Variants in TMEM176B observed in about 807,000 individuals in gnomAD.
TMEM176B encodes the protein transmembrane protein 176B.
Under a neutral mutation model 30.3 loss-of-function variants are expected in TMEM176B, and 28 were observed. That is an observed-to-expected ratio of 0.92 (90% confidence interval 0.68 to 1.27). The LOEUF (loss-of-function observed/expected upper bound fraction) is 1.27, where lower values mean the gene tolerates loss of function less well. Ranked by LOEUF, TMEM176B falls within the 50% of genes most tolerant of loss-of-function variation. TMEM176B has a pLI of 0.00. For synonymous variants in TMEM176B, 123 were observed against 130.3 expected (o/e 0.94, Z 0.38); for missense variants, 349 against 327.4 (o/e 1.07, Z -0.51).
At position 150,799,244 on chromosome 7, in the gene TMEM176B, G is replaced by A. The variant is rs534588682; in HGVS notation, c.-6+1054C>T. On this transcript the variant is annotated intron_variant, in intron 1 of 6. Transcript: ENST00000326442. ...TCTCAGTGATTTAAAATTCTCTCCTGAGCAGAAATGAAGTTCCCCTAGGAA... is the reference window on the plus strand; with the variant it reads ...TCTCAGTGATTTAAAATTCTCTCCTAAGCAGAAATGAAGTTCCCCTAGGAA... 4.2e-4 allele frequency among the ~76,000 whole-genome samples: 64 copies of A among 152,306 alleles called. 1 individual carries two copies. In the South Asian group the frequency reaches 0.013, roughly 31 times the overall value.
chr7:150,799,158 G>T (rs1046308727), intron 1 of TMEM176B, among the ~76,000 whole-genome samples: 4 of 152,216 alleles, frequency 2.6e-5, no homozygotes, highest in Non-Finnish European at 5.9e-5. Flanking sequence ...TTCTGTTGCT[G>T]TCATTCAGAT....
At position 150,800,285 on chromosome 7, in the gene TMEM176B, G is replaced by C. The variant is rs1055394495; in HGVS notation, c.-6+13C>G. 6.6e-6 allele frequency: 1 copy of C among 152,386 alleles called. No homozygotes were observed. Among genetic ancestry groups the C allele is most frequent in the Admixed American group, 6.5e-5 (1 of 15,290 alleles). 9.4% of individuals were successfully genotyped at this position (152,386 alleles called of 1,614,324 possible). On this transcript the variant is annotated intron_variant, in intron 1 of 6. Transcript: ENST00000326442. ...GCAAGAGGGTCTCCCGGGCCGCGGA[G>C]GCCCTGCCTCACCTGCAGTCCTCCG...
In TMEM176B at chr7:150,792,268, T is replaced by C. The variant is rs941665182; in HGVS notation, c.601-93A>G. On this transcript the variant is annotated intron_variant, in intron 5 of 6. Coordinates refer to ENST00000326442, the MANE Select transcript of TMEM176B (RefSeq NM_001101312.2). ...TCTCCACCCACCCAGGCACTGACTC[T>C]ATCCAGCTTGCTGCTCCCACCACAG... 7.2e-6 allele frequency: 11 copies of C among 1,523,086 alleles called. No homozygotes were observed. In the African/African-American group the frequency reaches 1.2e-4, roughly 17 times the overall value. The allele number at this position is 1,523,086 out of a possible 1,614,324, so 94.3% of individuals were successfully genotyped here.
chr7:150,797,298 GATC>G (rs1319941704), intron 1 of TMEM176B, among the ~76,000 whole-genome samples: 8 of 152,206 alleles, frequency 5.3e-5, no homozygotes, highest in Non-Finnish European at 1.0e-4. Flanking sequence ...GTGATCACAC[GATC>G]ATATGTTTTT....
At chr7:150,799,146 A>G (rs1798656330) in intron 1 of TMEM176B, among the ~76,000 whole-genome samples, 1 of 152,214 alleles carries the variant, frequency 6.6e-6, no homozygotes, top group Non-Finnish European at 1.5e-5. Flanking sequence ...CACGGATCCA[A>G]GTTCTGTTGC....
In TMEM176B at chr7:150,794,995, G is replaced by T. The variant is rs182030404; in HGVS notation, c.205-924C>A. ...TGACTTTCAGGGCTCCGATCTCCTG[G>T]TCACCCACACTTCAACCCTCTCTGC... is the stretch of plus-strand genomic sequence containing the variant. On this transcript the variant is annotated intron_variant, in intron 2 of 6. Coordinates refer to ENST00000326442, the MANE Select transcript of TMEM176B (RefSeq NM_001101312.2). Among the ~76,000 whole-genome samples the T allele has an allele frequency of 7.9e-3, 1,189 of 150,612 alleles. 48 individuals carry two copies. The highest frequency in any genetic ancestry group is 0.067 in the Admixed American group (1,011 of 15,132).
chr7:150,798,363 G>T (rs1056961871), intron 1 of TMEM176B, among the ~76,000 whole-genome samples: 3 of 152,086 alleles, frequency 2.0e-5, no homozygotes, highest in Non-Finnish European at 2.9e-5. Context: ...CTCACTGCCA[G>T]CTCCACCTCC....
At position 150,791,397 on chromosome 7, in the gene TMEM176B, T is replaced by A; in HGVS notation, c.*134A>T. On this transcript the variant is annotated 3_prime_UTR_variant, in exon 7 of 7. Transcript: ENST00000326442. ...AGAACCCCAGAGTGGGAACAGCAGG[T>A]GCGGATGTGGGGAGAAGAAAGGAGG... is the stretch of plus-strand genomic sequence containing the variant. 1.6e-6 allele frequency: 1 copy of A among 632,482 alleles called. No homozygotes were observed. The allele number at this position is 632,482 out of a possible 1,614,324, so 39.2% of individuals were successfully genotyped here.
At chr7:150,796,695 A>G in intron 1 of TMEM176B, 121 bp from the exon 2 acceptor site, 1 of 980,228 alleles carries the variant, frequency 1.0e-6, no homozygotes, top group South Asian at 1.6e-5. Context: ...ACAATAGCTC[A>G]CGCCTGTAAT....
Position 150,793,972 on chromosome 7 carries a change from C to T in TMEM176B, c.304G>A (p.Ala102Thr), listed in dbSNP as rs781201021. The T allele has an allele frequency of 1.9e-6, 3 of 1,608,222 alleles. No homozygotes were observed. The highest frequency in any genetic ancestry group is 2.5e-6 in the Non-Finnish European group (3 of 1,177,454). Residue 102 changes from alanine to threonine, a missense_variant, in exon 3 of 7, where the codon GCG becomes ACG. Ala to Thr is a moderately conservative substitution (Grantham distance 58). Transcript: ENST00000326442. ...VLSASGCAFW[A>T]GSVVIAAGAG... ...TGTTCCTTACTCACCACAGACCCCG[C>T]CCAGAAGGCACAGCCTGAGGCACTC...
At position 150,796,493 on chromosome 7, in the gene TMEM176B, T is replaced by C; in HGVS notation, c.77A>G (p.His26Arg). The part of the protein sequence containing the change: ...RPSQPTHVNV[H>R]IHQESALTQL... ...TGTCAAAGCTGACTCCTGGTGGATG[T>C]GGACGTTGACGTGGGTGGGCTGGGA... Residue 26 changes from histidine (H) to arginine (R), a missense_variant, in exon 2 of 7, where the codon CAC becomes CGC. Coordinates refer to ENST00000326442, the MANE Select transcript of TMEM176B (RefSeq NM_001101312.2). 6.2e-7 allele frequency: 1 copy of C among 1,614,214 alleles called. No individual in the cohort carries two copies. Among genetic ancestry groups the C allele is most frequent in the Non-Finnish European group, 8.5e-7 (1 of 1,180,036 alleles).
In TMEM176B at chr7:150,793,617, G is replaced by A; in HGVS notation, c.316-17C>T. The A allele has an allele frequency of 6.2e-7, 1 of 1,612,350 alleles. No homozygotes were observed. ...TGCGATCACCTGAAAAGAGACACCA[G>A]AAAAAGGCCTCCAGTTTACTCTTCT... On this transcript the variant is annotated splice_polypyrimidine_tract_variant and intron_variant, in intron 3 of 6. Coordinates refer to ENST00000326442, the MANE Select transcript of TMEM176B (RefSeq NM_001101312.2).
chr7:150,791,504 C>A lies in TMEM176B; in HGVS notation c.*27G>T, dbSNP rs532319568. ...CTGGGCTGCCCTAGACAGGGACATG[C>A]GGGCACCCCGTGGGGTCTTTGGCAG... On this transcript the variant is annotated 3_prime_UTR_variant, in exon 7 of 7. Coordinates refer to ENST00000326442, the MANE Select transcript of TMEM176B (RefSeq NM_001101312.2). The A allele has an allele frequency of 1.3e-6, 2 of 1,599,918 alleles. No individual in the cohort carries two copies. Among genetic ancestry groups the A allele is most frequent in the African/African-American group, 2.7e-5 (2 of 74,500 alleles).
At chr7:150,801,294 G>A, upstream of TMEM176B, 1 of 460,420 alleles carries the variant, frequency 2.2e-6, no homozygotes, top group Non-Finnish European at 3.8e-6. Context: ...GGGGGACAGA[G>A]CAGATCTTGG....
At chr7:150,792,004 ACACT>A in intron 6 of TMEM176B, 48 bp downstream of exon 6, 1 of 1,609,970 alleles carries the variant, frequency 6.2e-7, no homozygotes, top group Non-Finnish European at 8.5e-7. Flanking sequence ...CCTGTCCCAC[ACACT>A]CACCACCCAG....
rs191339949 is a variant in TMEM176B, at chr7:150,795,731, C to T, written c.204+635G>A. The stretch of plus-strand genomic sequence containing the variant: ...GACTCCTCTGTGCCAAAGAGGAGGT[C>T]GATTCTTCCTTTCCATCCAAATTTC... On this transcript the variant is annotated intron_variant, in intron 2 of 6. Transcript: ENST00000326442. Among the ~76,000 whole-genome samples, 40 of 152,256 alleles carry T rather than the reference C, an allele frequency of 2.6e-4. 2 individuals are homozygous for T. Among genetic ancestry groups the T allele is most frequent in the Admixed American group, 2.4e-3 (37 of 15,290 alleles).
intron 3 of TMEM176B, 119 bp from the exon 4 acceptor site, chr7:150,793,719 AG>A: frequency 3.0e-6 from 3 of 995,440 alleles, no homozygotes; most frequent in Non-Finnish European, 4.6e-6. Flanking sequence ...GGACAGACAA[AG>A]AACTCTGACA....
At chr7:150,791,673 A>C in intron 6 of TMEM176B, 50 bp from the exon 7 acceptor site, 1 of 1,517,898 alleles carries the variant, frequency 6.6e-7, no homozygotes, top group Non-Finnish European at 9.1e-7. Flanking sequence ...ATGCAGGCAG[A>C]GTTAGTATCA....
chr7:150,791,656 GA>G, intron 6 of TMEM176B, 33 bp from the exon 7 acceptor site: 3 of 1,580,144 alleles, frequency 1.9e-6, no homozygotes, highest in Non-Finnish European at 1.7e-6. Flanking sequence ...ATCCTTAGGG[GA>G]AAAGGATGCA....
Sources: allele counts gnomAD v4.1 joint callset (sites outside exome capture counted in the v4.1 genomes callset), GRCh38; gene constraint gnomAD v4.1.1; transcripts MANE v1.5; gene names NCBI Gene and HGNC (gene_info 2026-07-23, HGNC 2026-07-21).